The following RAB10 variants were observed in gnomAD, a reference collection of about 807,000 sequenced individuals.
The protein encoded by RAB10 is RAB10, member RAS oncogene family.
In RAB10, 5 loss-of-function variants were observed where a neutral mutation model predicts 25.7. The ratio of observed to expected loss-of-function variants is 0.19; its 90% CI spans 0.10 to 0.41. The LOEUF is 0.41. Among genes scored for constraint, RAB10 ranks in the 10% least tolerant of loss-of-function variants. The probability of loss-of-function intolerance (pLI) is 1.00; values close to 1 mark genes in which losing one functional copy is unlikely to be tolerated. For synonymous variants in RAB10, 89 were observed against 86.4 expected, an observed-to-expected ratio of 1.03 and a Z score of -0.16; for missense variants, 103 against 245.8, an observed-to-expected ratio of 0.42 and a Z score of 3.89.
intron 3 of RAB10, among the ~76,000 whole-genome samples, chr2:26,110,230 C>T (rs4665824): frequency 0.77 from 115,294 of 150,608 alleles, 44,161 homozygotes; most frequent in East Asian, 0.87. Flanking sequence ...CCCAGCTACT[C>T]AAGAGTCCAA....
At chr2:26,128,688 A>G (rs530236113) in intron 5 of RAB10, among the ~76,000 whole-genome samples, 19 of 152,316 alleles carry the variant, frequency 1.2e-4, no homozygotes, top group African/African-American at 4.3e-4. Flanking sequence ...TCAGGCAAAT[A>G]AAGGGCGTGT....
At chr2:26,107,783 C>T (rs570989429) in intron 2 of RAB10, among the ~76,000 whole-genome samples, 117 of 150,034 alleles carry the variant, frequency 7.8e-4, no homozygotes, top group African/African-American at 2.7e-3. Flanking sequence ...GCGGCAAGAT[C>T]GAAACTCTAT....
chr2:26,079,310 AACACACACACACAAACACACACAC>A (rs1351829056), intron 1 of RAB10, among the ~76,000 whole-genome samples: 3 of 61,334 alleles, frequency 4.9e-5, no homozygotes, highest in East Asian at 4.2e-4. Context: ...GCAAGTTTGA[AACACACACACACAAACACACACAC>A]ACACACACAC....
intron 1 of RAB10, among the ~76,000 whole-genome samples, chr2:26,053,122 C>T (rs1282253150): frequency 6.6e-6 from 1 of 152,202 alleles, no homozygotes; most frequent in South Asian, 2.1e-4. Flanking sequence ...GCTGTCTCAA[C>T]TGGAGGTTGA....
rs1244387082 is a variant in RAB10, at chr2:26,137,232, T to C, written c.*2211T>C. On this transcript the variant is annotated 3_prime_UTR_variant, in exon 6 of 6. Coordinates refer to ENST00000264710, the MANE Select transcript of RAB10 (RefSeq NM_016131.5). Reference sequence around the variant, plus strand: ...ATAAATCAATTTTTGTATAATCTGTTTGAAACATGAGTTTTATTTGCTTAA... The same window carrying C: ...ATAAATCAATTTTTGTATAATCTGTCTGAAACATGAGTTTTATTTGCTTAA... The C allele has an allele frequency of 6.5e-6, 1 of 152,682 alleles. No individual in the cohort carries two copies. The highest frequency in any genetic ancestry group is 1.5e-5 in the Non-Finnish European group (1 of 68,042). 9.5% of individuals were successfully genotyped at this position (152,682 alleles called of 1,614,324 possible).
At chr2:26,033,522 C>T (rs1665677934), upstream of RAB10, among the ~76,000 whole-genome samples, 1 of 152,246 alleles carries the variant, frequency 6.6e-6, no homozygotes, top group Non-Finnish European at 1.5e-5. Context: ...AGGGCTGGCC[C>T]TGGAGAGGGG....
intron 5 of RAB10, among the ~76,000 whole-genome samples, chr2:26,132,769 C>CG (rs1482265002): frequency 1.4e-5 from 2 of 141,848 alleles, no homozygotes; most frequent in Non-Finnish European, 3.1e-5. Context: ...ATACCCCCCC[C>CG]CCTTTTTTTT....
intron 1 of RAB10, among the ~76,000 whole-genome samples, chr2:26,053,260 T>TTTTTGTTC (rs1666173008): frequency 6.6e-6 from 1 of 152,210 alleles, no homozygotes; most frequent in African/African-American, 2.4e-5. Context: ...AATAATGAGA[T>TTTTTGTTC]TTTTGTTCTT....
At chr2:26,066,635 C>G (rs563864635) in intron 1 of RAB10, among the ~76,000 whole-genome samples, 5 of 152,070 alleles carry the variant, frequency 3.3e-5, no homozygotes, top group African/African-American at 9.7e-5. Context: ...TGTGAGAACT[C>G]GCTATCATGA....
At chr2:26,124,338 C>A (rs564271748) in intron 3 of RAB10, among the ~76,000 whole-genome samples, 62 of 144,792 alleles carry the variant, frequency 4.3e-4, no homozygotes, top group African/African-American at 1.5e-3. Context: ...ATGAAGTAAC[C>A]GCAGCCATTT....
intron 1 of RAB10, among the ~76,000 whole-genome samples, chr2:26,066,167 T>A (rs559963885): frequency 2.6e-5 from 4 of 152,268 alleles, no homozygotes; most frequent in South Asian, 4.1e-4. Context: ...ATGGAAGAGG[T>A]CTCATGATAG....
At chr2:26,048,037 GTTTTTTT>G (rs61183627) in intron 1 of RAB10, among the ~76,000 whole-genome samples, 4 of 134,682 alleles carry the variant, frequency 3.0e-5, no homozygotes, top group Non-Finnish European at 4.9e-5. Context: ...GGGCCCATTA[GTTTTTTT>G]TTTTTTTTTT....
chr2:26,042,814 C>T (rs980111500), intron 1 of RAB10: 1 of 151,742 alleles, frequency 6.6e-6, no homozygotes, highest in Non-Finnish European at 1.5e-5. Flanking sequence ...GTAGGTATTT[C>T]TCCAAAGAAG....
chr2:26,104,645 C>G (rs778118740), intron 2 of RAB10, among the ~76,000 whole-genome samples: 2 of 151,670 alleles, frequency 1.3e-5, no homozygotes, highest in Admixed American at 6.6e-5. Flanking sequence ...AAACAGTTGT[C>G]AAATCCAAGA....
At chr2:26,093,044 A>G (rs1667141496) in intron 1 of RAB10, among the ~76,000 whole-genome samples, 1 of 152,174 alleles carries the variant, frequency 6.6e-6, no homozygotes, top group Non-Finnish European at 1.5e-5. Flanking sequence ...GGATAGGGGC[A>G]TTATTGTAGA....
chr2:26,074,407 T>C (rs1041101313), intron 1 of RAB10, among the ~76,000 whole-genome samples: 9 of 152,140 alleles, frequency 5.9e-5, no homozygotes, highest in African/African-American at 1.9e-4. Context: ...AAGTATTTTA[T>C]TTTTTTAATT....
At chr2:26,046,641 T>TC (rs774225739) in intron 1 of RAB10, among the ~76,000 whole-genome samples, 3 of 152,172 alleles carry the variant, frequency 2.0e-5, no homozygotes, top group Non-Finnish European at 4.4e-5. Context: ...GGTTTCGAAC[T>TC]CCTAGGCTCA....
intron 3 of RAB10, among the ~76,000 whole-genome samples, chr2:26,111,442 T>C (rs937701154): frequency 2.0e-5 from 3 of 151,936 alleles, no homozygotes; most frequent in Non-Finnish European, 2.9e-5. Flanking sequence ...CCGTCTCTAC[T>C]AAAAATACAA....
At chr2:26,083,048 A>G (rs940603319) in intron 1 of RAB10, among the ~76,000 whole-genome samples, 1 of 152,230 alleles carries the variant, frequency 6.6e-6, no homozygotes, top group Non-Finnish European at 1.5e-5. Context: ...ATGATAACTC[A>G]GGAATCTAGG....
Sources: gnomAD v4.1 joint callset for allele counts (sites outside exome capture counted in the v4.1 genomes callset) on GRCh38, gnomAD v4.1.1 for gene constraint, MANE v1.5 for transcripts, NCBI Gene and HGNC (gene_info 2026-07-23, HGNC 2026-07-21) for gene names.